Variants in MXRA7 observed in about 807,000 individuals in gnomAD.
MXRA7 encodes the protein matrix remodeling associated 7.
MXRA7 carries 18 observed loss-of-function variants against 17.4 expected under a neutral mutation model. The ratio of observed to expected loss-of-function variants is 1.03; its 90% CI spans 0.71 to 1.53. MXRA7 has a LOEUF of 1.53. MXRA7 is among the 40% of genes most tolerant of loss of function. The pLI, the probability that MXRA7 is intolerant of heterozygous loss-of-function variation, is 0.00. For synonymous variants in MXRA7, 70 were observed against 101.7 expected, an observed-to-expected ratio of 0.69 and a Z score of 1.87; for missense variants, 141 against 209.3, an observed-to-expected ratio of 0.67 and a Z score of 2.01.
intron 3 of MXRA7, among the ~76,000 whole-genome samples, chr17:76,684,376 C>T (rs1007364960): frequency 1.3e-5 from 2 of 152,120 alleles, no homozygotes; most frequent in African/African-American, 4.8e-5. Flanking sequence ...TGCAGAAGGG[C>T]AGCAGTGTGG....
At chr17:76,683,790 C>A in intron 3 of MXRA7, 1 of 1,328,696 alleles carries the variant, frequency 7.5e-7, no homozygotes, top group African/African-American at 1.4e-5. Flanking sequence ...TGTTTGGGGG[C>A]ACGTTAGCAC....
chr17:76,677,733 G>T (rs777219764), downstream of MXRA7: 1 of 1,542,886 alleles, frequency 6.5e-7, no homozygotes, highest in African/African-American at 1.4e-5. Context: ...AGAGGAAGAA[G>T]GTGCTCCTAG....
chr17:76,686,670 C>T (rs576761200), intron 2 of MXRA7, among the ~76,000 whole-genome samples: 94 of 152,320 alleles, frequency 6.2e-4, no homozygotes, highest in African/African-American at 2.0e-3. Context: ...CAGAATTCAA[C>T]GTGACAGCCT....
At chr17:76,692,923 C>T (rs545883499) in intron 1 of MXRA7, among the ~76,000 whole-genome samples, 1 of 152,178 alleles carries the variant, frequency 6.6e-6, no homozygotes, top group South Asian at 2.1e-4. Context: ...GGATTTTGTG[C>T]ACACGTGACC....
At chr17:76,706,363 C>G (rs1331072774) in intron 1 of MXRA7, among the ~76,000 whole-genome samples, 5 of 128,932 alleles carry the variant, frequency 3.9e-5, no homozygotes, top group African/African-American at 1.5e-4. Flanking sequence ...TCTGCCATCA[C>G]AGAGGCCCAC....
exon 4 of MXRA7, chr17:76,673,376 T>C (rs778556826): frequency 1.2e-4 from 18 of 152,284 alleles, no homozygotes; most frequent in Non-Finnish European, 2.5e-4. Context: ...TGGGGCCTAA[T>C]GGATGACTGT....
At chr17:76,704,792 AAAAAAAAAAG>A (rs2076637975) in intron 1 of MXRA7, among the ~76,000 whole-genome samples, 1 of 151,294 alleles carries the variant, frequency 6.6e-6, no homozygotes, top group African/African-American at 2.4e-5. Flanking sequence ...AAAAAAAAAA[AAAAAAAAAAG>A]AATGCTGGAA....
rs148052394 is a variant in MXRA7 at position 76,700,804 on chromosome 17, G to GGA, written c.342+9799_342+9800dup. 3.9e-4 allele frequency among the ~76,000 whole-genome samples: 59 copies of GGA among 151,750 alleles called. 1 individual carries two copies. In the South Asian group the frequency reaches 4.6e-3, roughly 12 times the overall value. On this transcript the variant is annotated intron_variant, in intron 1 of 3. Coordinates refer to ENST00000449428, the MANE Select transcript of MXRA7 (RefSeq NM_198530.4). ...AGAAAGCCAAACGTGATGATACACTGGAGAGAGAGAGAGAGTGGGCGGGCG... is the reference window on the plus strand; with the variant it reads ...AGAAAGCCAAACGTGATGATACACTGGAGAGAGAGAGAGAGAGTGGGCGGGCG...
chr17:76,678,646 G>A (rs1024351804), downstream of MXRA7, among the ~76,000 whole-genome samples: 2 of 152,132 alleles, frequency 1.3e-5, no homozygotes, highest in African/African-American at 2.4e-5. Context: ...TCACAGTGTC[G>A]GACCTCTCAG....
chr17:76,701,357 C>CG (rs145042238), intron 1 of MXRA7, among the ~76,000 whole-genome samples: 3,301 of 150,922 alleles, frequency 0.022, 116 homozygotes, highest in East Asian at 0.13. Context: ...AGCTGAGCGT[C>CG]GGGGGGGTGG....
chr17:76,689,358 G>A (rs903662735), intron 1 of MXRA7: 2 of 152,428 alleles, frequency 1.3e-5, no homozygotes, highest in African/African-American at 4.8e-5. Flanking sequence ...CTCCCAGAGT[G>A]TTGGGATTAC....
At chr17:76,708,417 G>C (rs1009349062) in intron 1 of MXRA7, among the ~76,000 whole-genome samples, 4 of 152,164 alleles carry the variant, frequency 2.6e-5, no homozygotes, top group Non-Finnish European at 5.9e-5. Flanking sequence ...GCTTAGGGAC[G>C]GAGGGAGAAG....
chr17:76,697,503 T>C (rs2076544242), intron 1 of MXRA7, among the ~76,000 whole-genome samples: 1 of 152,228 alleles, frequency 6.6e-6, no homozygotes, highest in Non-Finnish European at 1.5e-5. Context: ...GCAGCTGGCG[T>C]CACCCTGGCT....
At chr17:76,690,310 T>C (rs1782991983) in intron 1 of MXRA7, 2 of 152,174 alleles carry the variant, frequency 1.3e-5, no homozygotes, top group Non-Finnish European at 2.9e-5. Context: ...TTAATATGCA[T>C]GAATGACTAA....
chr17:76,704,753 C>T (rs1229249389), intron 1 of MXRA7, among the ~76,000 whole-genome samples: 1 of 147,792 alleles, frequency 6.8e-6, no homozygotes, highest in Non-Finnish European at 1.5e-5. Context: ...CCACTGCACT[C>T]CTGGGCGACA....
At chr17:76,703,540 A>G (rs973645906) in intron 1 of MXRA7, 1 of 152,190 alleles carries the variant, frequency 6.6e-6, no homozygotes, top group African/African-American at 2.4e-5. Context: ...GGATGGCTTG[A>G]GCCTAGCAGG....
At chr17:76,685,354 C>A (rs548514592) in intron 2 of MXRA7, among the ~76,000 whole-genome samples, 189 bp from the exon 3 acceptor site, 1 of 152,338 alleles carries the variant, frequency 6.6e-6, no homozygotes, top group East Asian at 1.9e-4. Flanking sequence ...TACAACGAGA[C>A]AGCCAGAGAG....
At chr17:76,698,749 G>A (rs2076562523) in intron 1 of MXRA7, among the ~76,000 whole-genome samples, 1 of 109,404 alleles carries the variant, frequency 9.1e-6, no homozygotes, top group African/African-American at 3.6e-5. Context: ...TGAGATAAGA[G>A]TCTTGCTCTG....
chr17:76,705,320 A>G (rs1442891915), intron 1 of MXRA7, among the ~76,000 whole-genome samples: 4 of 152,228 alleles, frequency 2.6e-5, no homozygotes, highest in African/African-American at 9.6e-5. Flanking sequence ...ACTACTGAAC[A>G]GGGAACTCTA....
Sources: gnomAD v4.1 joint callset for allele counts (sites outside exome capture counted in the v4.1 genomes callset) on GRCh38, gnomAD v4.1.1 for gene constraint, MANE v1.5 for transcripts, NCBI Gene and HGNC (gene_info 2026-07-23, HGNC 2026-07-21) for gene names.